Variants in PCDHA11 observed in about 807,000 individuals in gnomAD.
PCDHA11 encodes protocadherin alpha 11, also known as protocadherin alpha-11.
PCDHA11 carries 61 observed loss-of-function variants against 70.3 expected under a neutral mutation model. The ratio of observed to expected loss-of-function variants is 0.87; its 90% CI spans 0.71 to 1.07. The LOEUF is 1.07. Among genes scored for constraint, PCDHA11 ranks in the 50% least tolerant of loss-of-function variants. PCDHA11 has a pLI of 0.00. For synonymous variants in PCDHA11, 633 were observed against 555.1 expected, an observed-to-expected ratio of 1.14 and a Z score of -1.97; for missense variants, 1,324 against 1,237.5, an observed-to-expected ratio of 1.07 and a Z score of -1.05.
chr5:140,943,435 A>G (rs941814689), intron 1 of PCDHA11, among the ~76,000 whole-genome samples: 2 of 152,148 alleles, frequency 1.3e-5, no homozygotes, highest in African/African-American at 4.8e-5. Flanking sequence ...AATATGATAT[A>G]AAGGATAGAA....
chr5:140,980,978 C>T (rs1482749121), intron 2 of PCDHA11, among the ~76,000 whole-genome samples: 1 of 152,032 alleles, frequency 6.6e-6, no homozygotes, highest in South Asian at 2.1e-4. Flanking sequence ...TCTGACTGAG[C>T]CCACACAATT....
intron 1 of PCDHA11, among the ~76,000 whole-genome samples, chr5:140,962,940 A>G (rs1441801947): frequency 1.3e-5 from 2 of 152,186 alleles, no homozygotes; most frequent in African/African-American, 4.8e-5. Context: ...CCTCCTCTCC[A>G]TAAGATATGC....
chr5:140,937,911 C>CAA lies in PCDHA11; in HGVS notation c.2392-41023_2392-41022dup, dbSNP rs200797202. On this transcript the variant is annotated intron_variant, in intron 1 of 3. Transcript: ENST00000398640. Reference sequence around the variant, plus strand: ...TGGGCGACAGAGTGAGACTCCGTCTCAAAAAAAAAAAAAAAAGTTTAATTT... The same window carrying CAA: ...TGGGCGACAGAGTGAGACTCCGTCTCAAAAAAAAAAAAAAAAAAGTTTAATTT... Among the ~76,000 whole-genome samples, 8 of 117,946 alleles carry CAA rather than the reference C, an allele frequency of 6.8e-5. No individual in the cohort carries two copies. In the East Asian group the frequency reaches 1.1e-3, roughly 17 times the overall value. The allele number at this position is 117,946 out of a possible 152,430, so 77.4% of individuals were successfully genotyped here.
intron 3 of PCDHA11, among the ~76,000 whole-genome samples, chr5:141,009,296 T>A (rs889577032): frequency 3.3e-4 from 50 of 152,004 alleles, no homozygotes; most frequent in Non-Finnish European, 5.3e-4. Context: ...TTCTATAAAA[T>A]TTTTTTTAAA....
intron 1 of PCDHA11, chr5:140,966,939 TG>T: frequency 1.2e-6 from 2 of 1,604,434 alleles, no homozygotes; most frequent in Non-Finnish European, 1.7e-6. Flanking sequence ...GGCGCGCTCG[TG>T]GGCAACGTGG....
chr5:140,993,293 A>G (rs1445204823), intron 3 of PCDHA11, among the ~76,000 whole-genome samples: 1 of 152,062 alleles, frequency 6.6e-6, no homozygotes, highest in African/African-American at 2.4e-5. Flanking sequence ...CAGGGTCACA[A>G]CCTTGCCTCC....
At chr5:141,003,081 T>C (rs2098110268) in intron 3 of PCDHA11, among the ~76,000 whole-genome samples, 1 of 152,238 alleles carries the variant, frequency 6.6e-6, no homozygotes, top group Admixed American at 6.5e-5. Context: ...AGGGTGAGTT[T>C]AACAGGCCTG....
At chr5:140,988,014 A>G (rs782358781) in intron 3 of PCDHA11, among the ~76,000 whole-genome samples, 4 of 152,242 alleles carry the variant, frequency 2.6e-5, no homozygotes, top group African/African-American at 7.2e-5. Context: ...GAAAGAAAGC[A>G]TGATTCTTAA....
At chr5:140,913,934 G>C (rs1554196103) in intron 1 of PCDHA11, among the ~76,000 whole-genome samples, 1 of 152,102 alleles carries the variant, frequency 6.6e-6, no homozygotes, top group African/African-American at 2.4e-5. Context: ...TGTGGTCAGA[G>C]AAGAATCTTG....
At chr5:140,968,982 C>G in intron 1 of PCDHA11, 1 of 1,614,226 alleles carries the variant, frequency 6.2e-7, no homozygotes, top group Non-Finnish European at 8.5e-7. Flanking sequence ...GCGTATGGCA[C>G]TGCATGCTGT....
Position 140,870,780 on chromosome 5 carries a change from C to T in PCDHA11, c.1677C>T (p.Asp559=), listed in dbSNP as rs782242319. The change falls in exon 1 of 4, where the codon GAC becomes GAT. Residue 559 remains aspartate (D), a synonymous_variant. Coordinates refer to ENST00000398640, the MANE Select transcript of PCDHA11 (RefSeq NM_018902.5). ...TLQVFVLDEN[D]NAPALLATQA... Reference sequence around the variant, plus strand: ...AGGTGTTCGTGCTGGACGAGAACGACAACGCGCCGGCACTGCTGGCGACTC... The same window carrying T: ...AGGTGTTCGTGCTGGACGAGAACGATAACGCGCCGGCACTGCTGGCGACTC... 1.9e-6 allele frequency: 3 copies of T among 1,613,508 alleles called. No individual in the cohort carries two copies. The highest frequency in any genetic ancestry group is 2.5e-6 in the Non-Finnish European group (3 of 1,179,896).
chr5:140,872,424 C>T (rs534204647), intron 1 of PCDHA11, among the ~76,000 whole-genome samples: 4 of 152,028 alleles, frequency 2.6e-5, no homozygotes, highest in South Asian at 2.1e-4. Context: ...CCCAAGAGTT[C>T]GAGGCCTGCC....
chr5:140,929,201 T>C (rs146014873), intron 1 of PCDHA11: 3 of 1,614,168 alleles, frequency 1.9e-6, no homozygotes, highest in East Asian at 4.5e-5. Flanking sequence ...AACAGTTTGC[T>C]GTTGCGTGGG....
At chr5:140,910,682 C>G (rs1280217836) in intron 1 of PCDHA11, among the ~76,000 whole-genome samples, 2 of 152,198 alleles carry the variant, frequency 1.3e-5, no homozygotes, top group East Asian at 3.8e-4. Flanking sequence ...GGAGATCAGG[C>G]ATTTCCAGCT....
In PCDHA11 at chr5:140,876,678, G is replaced by C. The variant is rs782561315; in HGVS notation, c.2391+5184G>C. ...CCTTCAAGCTGGTGTCCACCTACAA[G>C]AATTACTACTCGTTGGTGCTGGACA... On this transcript the variant is annotated intron_variant, in intron 1 of 3. Coordinates refer to ENST00000398640, the MANE Select transcript of PCDHA11 (RefSeq NM_018902.5). The C allele has an allele frequency of 1.9e-6, 3 of 1,614,100 alleles. No individual in the cohort carries two copies. In the East Asian group the frequency reaches 6.7e-5, roughly 36 times the overall value.
At chr5:140,998,405 G>C (rs144117915) in intron 3 of PCDHA11, among the ~76,000 whole-genome samples, 226 of 152,208 alleles carry the variant, frequency 1.5e-3, no homozygotes, top group African/African-American at 5.2e-3. Flanking sequence ...TTATGCCAAA[G>C]TTTATCTACC....
intron 1 of PCDHA11, among the ~76,000 whole-genome samples, chr5:140,962,378 G>A (rs184607177): frequency 2.1e-3 from 316 of 152,286 alleles, no homozygotes; most frequent in African/African-American, 7.3e-3. Context: ...GATTTTATCT[G>A]TTAATATTAC....
intron 1 of PCDHA11, chr5:140,884,214 T>G: frequency 6.2e-7 from 1 of 1,613,446 alleles, no homozygotes; most frequent in African/African-American, 1.3e-5. Context: ...CGCCTTCTGG[T>G]GCTGGTGAAG....
chr5:140,883,905 G>C (rs781818160), intron 1 of PCDHA11: 1 of 1,613,458 alleles, frequency 6.2e-7, no homozygotes, highest in South Asian at 1.1e-5. Flanking sequence ...CCGCCTCTGG[G>C]CAGCAACGTG....
Sources: allele counts gnomAD v4.1 joint callset (sites outside exome capture counted in the v4.1 genomes callset), GRCh38; gene constraint gnomAD v4.1.1; transcripts MANE v1.5; gene names NCBI Gene and HGNC (gene_info 2026-07-23, HGNC 2026-07-21).